NME7: variants seen among roughly 807,000 people sequenced by gnomAD.
NME7 encodes the protein nucleoside diphosphate kinase 7.
In NME7, 41 loss-of-function variants were observed where a neutral mutation model predicts 49.1. The observed-to-expected ratio is 0.83, with a 90% CI of 0.65 to 1.08. The LOEUF is 1.08. NME7 is among the 50% of genes least tolerant of loss of function. The pLI, the probability that NME7 is intolerant of heterozygous loss-of-function variation, is 0.00. For synonymous variants in NME7, 139 were observed against 150.6 expected, an observed-to-expected ratio of 0.92 and a Z score of 0.56; for missense variants, 423 against 463.4, an observed-to-expected ratio of 0.91 and a Z score of 0.80.
intron 7 of NME7, among the ~76,000 whole-genome samples, chr1:169,239,148 C>T (rs1425382563): frequency 6.6e-6 from 1 of 151,744 alleles, no homozygotes; most frequent in Non-Finnish European, 1.5e-5. Flanking sequence ...TTAGGAAGGT[C>T]ACTAATGCAA....
At chr1:169,172,681 GTGT>G (rs2101736267) in intron 10 of NME7, among the ~76,000 whole-genome samples, 1 of 152,272 alleles carries the variant, frequency 6.6e-6, no homozygotes, top group South Asian at 2.1e-4. Flanking sequence ...AAACTCCCCA[GTGT>G]GGCATTCAAG....
chr1:169,202,057 C>T lies in NME7; in HGVS notation c.990+28661G>A, dbSNP rs556944890. ...ATGGCATAATCATCACCATCATCAC[C>T]AGATGGCTAATATTTCTTCAGCATT... On this transcript the variant is annotated intron_variant, in intron 10 of 11. Transcript: ENST00000367811. Among the ~76,000 whole-genome samples the T allele has an allele frequency of 7.2e-4, 110 of 152,268 alleles. 1 individual carries two copies. The highest frequency in any genetic ancestry group is 2.1e-3 in the South Asian group (10 of 4,822).
intron 1 of NME7, among the ~76,000 whole-genome samples, chr1:169,351,355 G>T (rs1035148312): frequency 1.3e-5 from 2 of 151,764 alleles, no homozygotes; most frequent in African/African-American, 2.4e-5. Context: ...AAATTTTCTT[G>T]ATACAAACGA....
intron 6 of NME7, among the ~76,000 whole-genome samples, chr1:169,291,328 C>G (rs1374671394): frequency 1.3e-5 from 2 of 152,024 alleles, no homozygotes; most frequent in African/African-American, 2.4e-5. Context: ...TACTATGCAA[C>G]CATAAAAATG....
chr1:169,140,344 C>T (rs985154321), intron 11 of NME7, among the ~76,000 whole-genome samples: 1 of 151,970 alleles, frequency 6.6e-6, no homozygotes, highest in Non-Finnish European at 1.5e-5. Flanking sequence ...TTATTCTAGC[C>T]ACTATTTCCT....
intron 11 of NME7, among the ~76,000 whole-genome samples, chr1:169,145,748 G>A (rs905903852): frequency 5.3e-5 from 8 of 152,094 alleles, no homozygotes; most frequent in South Asian, 2.1e-4. Flanking sequence ...ATGTTGACCC[G>A]AATTTAAAAA....
intron 6 of NME7, 142 bp from the exon 7 acceptor site, chr1:169,287,550 GTT>G: frequency 1.6e-6 from 1 of 606,250 alleles, no homozygotes; most frequent in Non-Finnish European, 2.8e-6. Flanking sequence ...CTAAAAATGA[GTT>G]TTACAAAGAC....
chr1:169,355,072 G>C lies in NME7; in HGVS notation c.3+12636C>G, dbSNP rs1201222492. 3.0e-4 allele frequency among the ~76,000 whole-genome samples: 16 copies of C among 52,682 alleles called. 1 individual carries two copies. Among genetic ancestry groups the C allele is most frequent in the African/African-American group, 1.2e-3 (16 of 12,814 alleles). 34.6% of individuals were successfully genotyped at this position (52,682 alleles called of 152,430 possible). ...AATATATAATATACTATATATTATA[G>C]ATATAATATATAATATACTATATAT... On this transcript the variant is annotated intron_variant, in intron 1 of 11. Transcript: ENST00000367811.
chr1:169,159,578 T>G (rs1411800464), intron 11 of NME7, among the ~76,000 whole-genome samples: 1 of 152,178 alleles, frequency 6.6e-6, no homozygotes, highest in Admixed American at 6.5e-5. Context: ...TCTCTAACTA[T>G]TCCTATTGCT....
chr1:169,300,244 T>C (rs1650886645), intron 5 of NME7, among the ~76,000 whole-genome samples: 1 of 152,140 alleles, frequency 6.6e-6, no homozygotes, highest in African/African-American at 2.4e-5. Context: ...TATAAACATA[T>C]ACAAAGTTTA....
At chr1:169,354,938 G>T (rs1242957048) in intron 1 of NME7, among the ~76,000 whole-genome samples, 3 of 76,920 alleles carry the variant, frequency 3.9e-5, no homozygotes, top group African/African-American at 9.0e-5. Flanking sequence ...TATCTATTAT[G>T]TATTATATAT....
chr1:169,193,227 CTAAACAAA>C (rs1660285017), intron 10 of NME7, among the ~76,000 whole-genome samples: 9 of 152,088 alleles, frequency 5.9e-5, no homozygotes, highest in African/African-American at 2.2e-4. Flanking sequence ...TACAGTGTCA[CTAAACAAA>C]AATCAACATA....
At chr1:169,176,789 G>A (rs1373265995) in intron 10 of NME7, among the ~76,000 whole-genome samples, 1 of 152,080 alleles carries the variant, frequency 6.6e-6, no homozygotes, top group Non-Finnish European at 1.5e-5. Context: ...TAAAAAAGAA[G>A]AGTCAGAAAA....
chr1:169,252,741 A>C (rs908064407), intron 7 of NME7, among the ~76,000 whole-genome samples: 1 of 148,678 alleles, frequency 6.7e-6, no homozygotes, highest in Non-Finnish European at 1.5e-5. Flanking sequence ...TTTTTGTATA[A>C]GGTGTAAGGA....
chr1:169,142,820 C>A lies in NME7; in HGVS notation c.1099-10003G>T, dbSNP rs532639979. 5.5e-4 allele frequency among the ~76,000 whole-genome samples: 84 copies of A among 152,282 alleles called. 1 individual carries two copies. Among genetic ancestry groups the A allele is most frequent in the African/African-American group, 1.9e-3 (81 of 41,558 alleles). On this transcript the variant is annotated intron_variant, in intron 11 of 11. Coordinates refer to ENST00000367811, the MANE Select transcript of NME7 (RefSeq NM_013330.5). ...CCTCATGGTGCACCTAGAAAATGCTCATTCTCGCATGGCATCCTGGAGCCG... is the reference window on the plus strand; with the variant it reads ...CCTCATGGTGCACCTAGAAAATGCTAATTCTCGCATGGCATCCTGGAGCCG...
intron 7 of NME7, among the ~76,000 whole-genome samples, chr1:169,252,621 C>T (rs999385013): frequency 6.6e-6 from 1 of 152,210 alleles, no homozygotes; most frequent in Non-Finnish European, 1.5e-5. Context: ...GTGTTTTAGA[C>T]ATGAAGTCGT....
Position 169,254,947 on chromosome 1 carries a change from G to C in NME7, c.755-17260C>G, listed in dbSNP as rs1648852751. Among the ~76,000 whole-genome samples, 3 of 132,628 alleles carry C rather than the reference G, an allele frequency of 2.3e-5. 1 individual carries two copies. In the South Asian group the frequency reaches 6.9e-4, roughly 31 times the overall value. 87.0% of individuals were successfully genotyped at this position (132,628 alleles called of 152,430 possible). Reference sequence around the variant, plus strand: ...TGAGAGATAGTTTGTTATAATTTCTGTTCTTTTACATTTGCTGAGGAGAGC... The same window carrying C: ...TGAGAGATAGTTTGTTATAATTTCTCTTCTTTTACATTTGCTGAGGAGAGC... On this transcript the variant is annotated intron_variant, in intron 7 of 11. Transcript: ENST00000367811.
chr1:169,367,614 A>G, intron 1 of NME7, 94 bp downstream of exon 1: 2 of 1,407,822 alleles, frequency 1.4e-6, no homozygotes, highest in East Asian at 4.6e-5. Context: ...GGTCGGGAGG[A>G]CCGGACAACT....
At chr1:169,309,874 G>A (rs575361175) in intron 4 of NME7, 96 bp downstream of exon 4, 25 of 720,176 alleles carry the variant, frequency 3.5e-5, no homozygotes, top group Non-Finnish European at 4.9e-5. Flanking sequence ...CATTCAATAC[G>A]AGGTTTTTTA....
Sources: allele counts gnomAD v4.1 joint callset (sites outside exome capture counted in the v4.1 genomes callset), GRCh38; gene constraint gnomAD v4.1.1; transcripts MANE v1.5; gene names NCBI Gene and HGNC (gene_info 2026-07-23, HGNC 2026-07-21).